The following PDE4D variants were observed in gnomAD, a reference collection of about 807,000 sequenced individuals.
PDE4D encodes phosphodiesterase 4D.
In PDE4D, 24 loss-of-function variants were observed where a neutral mutation model predicts 87.4. The ratio of observed to expected loss-of-function variants is 0.27; its 90% confidence interval spans 0.20 to 0.39. The LOEUF (loss-of-function observed/expected upper bound fraction) is 0.39, where lower values mean the gene tolerates loss of function less well. Ranked by LOEUF, PDE4D falls within the 10% of genes least tolerant of loss-of-function variation. The probability of loss-of-function intolerance (pLI) is 1.00; values close to 1 mark genes in which losing one functional copy is unlikely to be tolerated. For synonymous variants in PDE4D, 384 were observed against 383.2 expected (o/e 1.00, Z -0.02); for missense variants, 714 against 1,041.0 (o/e 0.69, Z 4.32).
chr5:60,388,384 C>A (rs1454958731), intron 1 of PDE4D, among the ~76,000 whole-genome samples: 7 of 148,876 alleles, frequency 4.7e-5, no homozygotes, highest in Non-Finnish European at 1.0e-4. Flanking sequence ...GGGGTTTTTT[C>A]TTTATTTTTT....
chr5:59,256,218 T>C (rs1338460471), intron 1 of PDE4D, among the ~76,000 whole-genome samples: 1 of 152,070 alleles, frequency 6.6e-6, no homozygotes, highest in African/African-American at 2.4e-5. Flanking sequence ...CTGATAAGAA[T>C]AAATGAAAAC....
At chr5:60,459,602 G>A (rs1746761724) in intron 1 of PDE4D, among the ~76,000 whole-genome samples, 1 of 152,014 alleles carries the variant, frequency 6.6e-6, no homozygotes, top group South Asian at 2.1e-4. Flanking sequence ...TTCCCACAGA[G>A]CTCGGTGGTG....
At chr5:60,098,042 C>T (rs1775847690) in intron 2 of PDE4D, among the ~76,000 whole-genome samples, 1 of 152,048 alleles carries the variant, frequency 6.6e-6, no homozygotes, top group East Asian at 1.9e-4. Flanking sequence ...CTGTTACCCT[C>T]ATCTAAACTG....
intron 2 of PDE4D, among the ~76,000 whole-genome samples, chr5:60,027,052 C>G (rs1161399957): frequency 6.6e-6 from 1 of 152,092 alleles, no homozygotes; most frequent in African/African-American, 2.4e-5. Context: ...CATTCCCCCG[C>G]CATTTTTTTC....
At chr5:60,006,113 G>A (rs1162218537) in intron 2 of PDE4D, among the ~76,000 whole-genome samples, 1 of 151,810 alleles carries the variant, frequency 6.6e-6, no homozygotes, top group Non-Finnish European at 1.5e-5. Context: ...AAGAAATATT[G>A]TGTATTGAAT....
rs1162407960 is a variant in PDE4D, at chr5:60,321,657, G to A, written c.-89-135970C>T. Among the ~76,000 whole-genome samples the A allele has an allele frequency of 3.3e-5, 5 of 152,108 alleles. No individual in the cohort carries two copies. The East Asian group carries it at 7.7e-4, about 23-fold the overall frequency. ...TTTGCAAACTATGCATCTGACAAAGGTCTAATATCCAGCATCTATAAGGAA... is the reference window on the plus strand; with the variant it reads ...TTTGCAAACTATGCATCTGACAAAGATCTAATATCCAGCATCTATAAGGAA... On this transcript the variant is annotated intron_variant, in intron 1 of 16. Coordinates refer to the PDE4D transcript ENST00000502484.
chr5:59,798,103 C>T (rs1256212410), intron 1 of PDE4D, among the ~76,000 whole-genome samples: 7 of 151,850 alleles, frequency 4.6e-5, no homozygotes, highest in Admixed American at 3.3e-4. Flanking sequence ...TGTGGTGGCC[C>T]GCACCTGTAA....
intron 1 of PDE4D, among the ~76,000 whole-genome samples, chr5:59,336,737 T>C (rs139710353): frequency 1.1e-3 from 174 of 152,286 alleles, no homozygotes; most frequent in African/African-American, 3.7e-3. Flanking sequence ...AGCTAATTAA[T>C]ATATCAAAAT....
intron 5 of PDE4D, among the ~76,000 whole-genome samples, chr5:59,092,226 G>A (rs1383388564): frequency 1.3e-5 from 2 of 152,208 alleles, no homozygotes. Flanking sequence ...AGCTTTGGCT[G>A]AATATTCTTT....
intron 1 of PDE4D, among the ~76,000 whole-genome samples, chr5:60,237,571 A>G (rs1746569109): frequency 6.6e-6 from 1 of 152,072 alleles, no homozygotes; most frequent in African/African-American, 2.4e-5. Flanking sequence ...ACAATATTTT[A>G]TAGAGATGAA....
intron 2 of PDE4D, among the ~76,000 whole-genome samples, chr5:60,166,319 T>C (rs1782897159): frequency 6.6e-6 from 1 of 152,170 alleles, no homozygotes. Context: ...TATTTTTCCA[T>C]TGTAGTTATC....
intron 5 of PDE4D, among the ~76,000 whole-genome samples, chr5:59,065,111 CACACACACACACATAT>C (rs1409122089): frequency 5.0e-4 from 59 of 118,452 alleles, no homozygotes; most frequent in African/African-American, 1.8e-3. Flanking sequence ...CACACACACA[CACACACACACACATAT>C]ACAATGAAAT....
intron 1 of PDE4D, among the ~76,000 whole-genome samples, chr5:59,394,775 A>G (rs1410707486): frequency 6.6e-6 from 1 of 152,196 alleles, no homozygotes; most frequent in Non-Finnish European, 1.5e-5. Flanking sequence ...TCCCAGCCTG[A>G]GCGACGCAGA....
intron 2 of PDE4D, among the ~76,000 whole-genome samples, chr5:59,201,046 A>T (rs1447523647): frequency 6.6e-6 from 1 of 152,056 alleles, no homozygotes; most frequent in African/African-American, 2.4e-5. Context: ...AATCTCTAAA[A>T]TTTTTCAAGT....
chr5:59,576,139 G>T (rs1228805287), intron 1 of PDE4D, among the ~76,000 whole-genome samples: 1 of 152,096 alleles, frequency 6.6e-6, no homozygotes, highest in Non-Finnish European at 1.5e-5. Context: ...TACTTACTGA[G>T]TGACAGGTGT....
intron 3 of PDE4D, among the ~76,000 whole-genome samples, chr5:59,942,640 C>A (rs1757304927): frequency 6.6e-6 from 1 of 152,014 alleles, no homozygotes; most frequent in Admixed American, 6.5e-5. Context: ...AGAAGAATTG[C>A]AATATTCATT....
At chr5:59,749,600 T>C (rs1345769090) in intron 1 of PDE4D, among the ~76,000 whole-genome samples, 2 of 152,132 alleles carry the variant, frequency 1.3e-5, no homozygotes, top group Non-Finnish European at 2.9e-5. Context: ...GATATCACTC[T>C]CAATTTTTCT....
Position 59,802,228 on chromosome 5 carries a change from G to C in PDE4D, c.455+90940C>G, listed in dbSNP as rs372926528. Among the ~76,000 whole-genome samples the C allele has an allele frequency of 2.0e-3, 274 of 133,952 alleles. 1 individual carries two copies. The highest frequency in any genetic ancestry group is 7.4e-3 in the African/African-American group (249 of 33,482). The allele number at this position is 133,952 out of a possible 152,430, so 87.9% of individuals were successfully genotyped here. A position where few individuals can be genotyped will look rare whatever the true frequency, so the allele number is the denominator to read the frequency against. ...GAAGATCAGTTTTTTGTTTTGTTTT[G>C]TTTTTGTTTTCATTTTTTTTTTAAA... On this transcript the variant is annotated intron_variant, in intron 1 of 14. Coordinates refer to ENST00000340635, the MANE Select transcript of PDE4D (RefSeq NM_001104631.2).
At position 59,737,366 on chromosome 5, in the gene PDE4D, G is replaced by A. The variant is rs148565745; in HGVS notation, c.455+155802C>T. Among the ~76,000 whole-genome samples, 4 of 152,126 alleles carry A rather than the reference G, an allele frequency of 2.6e-5. No homozygotes were observed. The East Asian group carries it at 7.7e-4, about 29-fold the overall frequency. The stretch of plus-strand genomic sequence containing the variant: ...ATTCCCTAGCTTTGTTTATAGTAGG[G>A]TAATTCATGCGTATTGGACAGGCCC... On this transcript the variant is annotated intron_variant, in intron 1 of 14. Transcript: ENST00000340635.
Sources: allele counts gnomAD v4.1 joint callset (sites outside exome capture counted in the v4.1 genomes callset), GRCh38; gene constraint gnomAD v4.1.1; transcripts MANE v1.5; gene names NCBI Gene and HGNC (gene_info 2026-07-23, HGNC 2026-07-21).